The following MIOS variants were observed in gnomAD, a reference collection of about 807,000 sequenced individuals.
The protein encoded by MIOS is meiosis regulator for oocyte development.
A neutral mutation model predicts 96.9 loss-of-function variants in MIOS; 52 were observed. That is an observed-to-expected ratio of 0.54 (90% confidence interval 0.43 to 0.68). The LOEUF (loss-of-function observed/expected upper bound fraction) is 0.68. Among genes scored for constraint, MIOS ranks in the 30% least tolerant of loss-of-function variants. The pLI is 0.00. For missense variants in MIOS, 1,005 were observed against 1,052.8 expected, an observed-to-expected ratio of 0.95 and a Z score of 0.63; for synonymous variants, 397 against 359.5, an observed-to-expected ratio of 1.10 and a Z score of -1.18.
intron 6 of MIOS, among the ~76,000 whole-genome samples, chr7:7,584,534 T>C (rs1783825391): frequency 6.6e-6 from 1 of 152,212 alleles, no homozygotes; most frequent in Non-Finnish European, 1.5e-5. Flanking sequence ...CAAAGATACT[T>C]CTTTGCTATT....
At chr7:7,589,313 C>T in intron 8 of MIOS, 92 bp from the exon 9 acceptor site, 1 of 1,084,952 alleles carries the variant, frequency 9.2e-7, no homozygotes, top group Non-Finnish European at 1.3e-6. Flanking sequence ...AAATGTTTTC[C>T]ATTAGGAATG....
chr7:7,594,773 A>G (rs1264190248), intron 9 of MIOS, among the ~76,000 whole-genome samples: 1 of 150,672 alleles, frequency 6.6e-6, no homozygotes, highest in African/African-American at 2.4e-5. Flanking sequence ...TATAAAGTAC[A>G]TATTTATGTC....
chr7:7,568,230 T>G (rs1041487590), intron 3 of MIOS, 107 bp downstream of exon 3: 4 of 152,214 alleles, frequency 2.6e-5, no homozygotes, highest in African/African-American at 9.6e-5. Flanking sequence ...CAGGGCTGAT[T>G]AAGGGAATGG....
At position 7,572,014 on chromosome 7, in the gene MIOS, T is replaced by C. The variant is rs1783371817; in HGVS notation, c.-40-422T>C. On this transcript the variant is annotated intron_variant, in intron 3 of 12. Transcript: ENST00000340080. This position sits in a 1 kb window ranked among gnomAD's most constrained non-coding sequence, Gnocchi z 4.8. ...CATGAACATGAAACATTTCTGTCAT[T>C]GCAGAAAGTTTTATTGGGCAGTGCT... Among the ~76,000 whole-genome samples the C allele has an allele frequency of 6.6e-6, 1 of 152,254 alleles. No individual in the cohort carries two copies. Among genetic ancestry groups the C allele is most frequent in the African/African-American group, 2.4e-5 (1 of 41,478 alleles).
At chr7:7,598,058 A>G (rs982201423) in intron 11 of MIOS, among the ~76,000 whole-genome samples, 1 of 152,248 alleles carries the variant, frequency 6.6e-6, no homozygotes, top group Non-Finnish European at 1.5e-5. Flanking sequence ...ATAATTAAAT[A>G]TCTTATACCT....
intron 11 of MIOS, among the ~76,000 whole-genome samples, chr7:7,603,062 A>C (rs1039601799): frequency 2.6e-5 from 4 of 152,130 alleles, no homozygotes. Flanking sequence ...CTTATACAAA[A>C]ATTAATTCAA....
At chr7:7,606,105 A>C (rs1784523210) in intron 12 of MIOS, 34 bp downstream of exon 12, 1 of 1,611,090 alleles carries the variant, frequency 6.2e-7, no homozygotes, top group Admixed American at 1.7e-5. Flanking sequence ...ATAGGCTTGG[A>C]GTTATGGGGG....
chr7:7,587,450 A>G (rs1783923213), intron 7 of MIOS, among the ~76,000 whole-genome samples: 1 of 152,178 alleles, frequency 6.6e-6, no homozygotes. Context: ...ATTATAATTA[A>G]TGTTGCTATT....
Position 7,596,464 on chromosome 7 carries a change from A to G in MIOS, c.2401+3A>G. On this transcript the variant is annotated splice_donor_region_variant and intron_variant, in intron 11 of 12. Coordinates refer to ENST00000340080, the MANE Select transcript of MIOS (RefSeq NM_019005.4). Reference sequence around the variant, plus strand: ...AACACCAGTTTCTAGCTGTCCTGGTATGACATAATTTTACAAAATACTTTT... The same window carrying G: ...AACACCAGTTTCTAGCTGTCCTGGTGTGACATAATTTTACAAAATACTTTT... 1 of 1,611,432 alleles carries G rather than the reference A, an allele frequency of 6.2e-7. No individual in the cohort carries two copies. Among genetic ancestry groups the G allele is most frequent in the Non-Finnish European group, 8.5e-7 (1 of 1,177,918 alleles).
intron 5 of MIOS, among the ~76,000 whole-genome samples, chr7:7,576,646 A>G (rs1437741125): frequency 6.6e-6 from 1 of 152,198 alleles, no homozygotes; most frequent in African/African-American, 2.4e-5. Context: ...CTTAGAAATC[A>G]TGTTAAGAAT....
intron 6 of MIOS, among the ~76,000 whole-genome samples, chr7:7,583,966 A>C (rs1190766147): frequency 6.6e-6 from 1 of 152,178 alleles, no homozygotes. Context: ...ATCCTCGGAA[A>C]AACAAATCCT....
chr7:7,579,069 G>A (rs1173048245), intron 5 of MIOS, among the ~76,000 whole-genome samples: 2 of 152,068 alleles, frequency 1.3e-5, no homozygotes, highest in Non-Finnish European at 2.9e-5. Context: ...TCAGTAAAAC[G>A]TTTTCTGTTA....
intron 11 of MIOS, chr7:7,605,691 A>T (rs773319154): frequency 5.7e-6 from 2 of 349,580 alleles, no homozygotes; most frequent in African/African-American, 4.3e-5. Flanking sequence ...GGTCTCTCCA[A>T]AGTTTTAAAT....
Position 7,572,790 on chromosome 7 carries a change from A to G in MIOS, c.315A>G (p.Gly105=). The change falls in exon 4 of 13, where the codon GGA becomes GGG. Residue 105 remains glycine, a synonymous_variant. Coordinates refer to ENST00000340080, the MANE Select transcript of MIOS (RefSeq NM_019005.4). This position sits in a 1 kb window ranked among gnomAD's most constrained non-coding sequence, Gnocchi z 4.8. ...ACTCAAAGTTCAAAGATTTGATAGGAAAAGAGTTTGTTCCAAAACATGCAC... is the reference window on the plus strand; with the variant it reads ...ACTCAAAGTTCAAAGATTTGATAGGGAAAGAGTTTGTTCCAAAACATGCAC... The part of the protein sequence containing the change: ...DHNSKFKDLI[G]KEFVPKHARQ... 1.9e-6 allele frequency: 3 copies of G among 1,614,042 alleles called. No individual in the cohort carries two copies. The Middle Eastern group carries it at 4.9e-4, about 266-fold the overall frequency.
chr7:7,595,626 G>A (rs1395941361), intron 10 of MIOS, among the ~76,000 whole-genome samples: 2 of 152,016 alleles, frequency 1.3e-5, no homozygotes, highest in Admixed American at 1.3e-4. Context: ...TAAATATTAT[G>A]TTATCCTCAA....
intron 6 of MIOS, 58 bp downstream of exon 6, chr7:7,583,430 A>C (rs1360588740): frequency 6.9e-7 from 1 of 1,456,024 alleles, no homozygotes; most frequent in Admixed American, 2.5e-5. Context: ...AGTTCATGGA[A>C]TCTTTTAAAG....
chr7:7,568,966 T>C lies in MIOS; in HGVS notation c.-41+843T>C, dbSNP rs372403939. 4.1e-4 allele frequency among the ~76,000 whole-genome samples: 63 copies of C among 152,360 alleles called. No individual in the cohort carries two copies. In the South Asian group the frequency reaches 0.011, roughly 28 times the overall value. ...AAAGTTTTAAATTTTATGCTAAAAC[T>C]CGTATTTTATGTTTTGTAAGATGGA... On this transcript the variant is annotated intron_variant, in intron 3 of 12. Transcript: ENST00000340080.
intron 11 of MIOS, among the ~76,000 whole-genome samples, chr7:7,598,350 A>C (rs1784275902): frequency 6.6e-6 from 1 of 152,208 alleles, no homozygotes; most frequent in Non-Finnish European, 1.5e-5. Flanking sequence ...CATTACATTA[A>C]CATTTATGAA....
rs1437131342 is a variant in MIOS at position 7,607,476 on chromosome 7, A to G, written c.*384A>G. On this transcript the variant is annotated 3_prime_UTR_variant, in exon 13 of 13. Coordinates refer to ENST00000340080, the MANE Select transcript of MIOS (RefSeq NM_019005.4). ...TCAATAAAATATGTGCACTTTTAAA[A>G]TAAAATGACTAATTCTGTGATTCAG... 3 of 153,582 alleles carry G rather than the reference A, an allele frequency of 2.0e-5. No homozygotes were observed. Among genetic ancestry groups the G allele is most frequent in the South Asian group, 4.1e-4 (2 of 4,866 alleles). The allele number at this position is 153,582 out of a possible 1,614,324, so 9.5% of individuals were successfully genotyped here.
Sources: gnomAD v4.1 joint callset for allele counts (sites outside exome capture counted in the v4.1 genomes callset) on GRCh38, gnomAD v4.1.1 for gene constraint, Gnocchi (gnomAD v3.1) non-coding constraint, MANE v1.5 for transcripts, NCBI Gene and HGNC (gene_info 2026-07-23, HGNC 2026-07-21) for gene names.